The following PDE9A variants were observed in gnomAD, a reference collection of about 807,000 sequenced individuals.
PDE9A encodes the protein phosphodiesterase 9A.
PDE9A carries 60 observed loss-of-function variants against 87.4 expected under a neutral mutation model. The ratio of observed to expected loss-of-function variants is 0.69; its 90% CI spans 0.56 to 0.85. The LOEUF is 0.85. Among genes scored for constraint, PDE9A ranks in the 40% least tolerant of loss-of-function variants. The probability of loss-of-function intolerance (pLI) is 0.00; values close to 1 mark genes in which losing one functional copy is unlikely to be tolerated. For missense variants in PDE9A, 665 were observed against 779.0 expected (o/e 0.85, Z 1.74); for synonymous variants, 272 against 279.4 (o/e 0.97, Z 0.27).
chr21:42,759,441 G>A lies in PDE9A; in HGVS notation c.897+356G>A. The stretch of plus-strand genomic sequence containing the variant: ...AGAGTGAGTATGGGGGTGTGGATGT[G>A]AGTGTGTGTGAGTGTGGGGTGTGGA... On this transcript the variant is annotated intron_variant, in intron 11 of 19. Coordinates refer to ENST00000291539, the MANE Select transcript of PDE9A (RefSeq NM_002606.3). This position sits in a 1 kb window ranked among gnomAD's most constrained non-coding sequence, Gnocchi z 7.2. Among the ~76,000 whole-genome samples the A allele has an allele frequency of 6.6e-6, 1 of 150,948 alleles. No individual in the cohort carries two copies. The highest frequency in any genetic ancestry group is 2.1e-4 in the South Asian group (1 of 4,770).
At chr21:42,671,400 A>G (rs2058555105) in intron 1 of PDE9A, among the ~76,000 whole-genome samples, 1 of 152,244 alleles carries the variant, frequency 6.6e-6, no homozygotes, top group African/African-American at 2.4e-5. Context: ...AAGGACCTGA[A>G]AAATATCTCC....
At chr21:42,755,176 G>C (rs1372756886) in intron 10 of PDE9A, among the ~76,000 whole-genome samples, 1 of 152,210 alleles carries the variant, frequency 6.6e-6, no homozygotes, top group Non-Finnish European at 1.5e-5. Flanking sequence ...AAATGCACAA[G>C]GCTCCTCAGC....
At chr21:42,672,389 C>T (rs1601955675) in intron 1 of PDE9A, among the ~76,000 whole-genome samples, 2 of 152,354 alleles carry the variant, frequency 1.3e-5, no homozygotes, top group East Asian at 3.9e-4. Context: ...AGTCACTGGG[C>T]TTTTAGGGCG....
chr21:42,715,595 C>T lies in PDE9A; in HGVS notation c.263-16175C>T, dbSNP rs576296672. Among the ~76,000 whole-genome samples the T allele has an allele frequency of 2.2e-4, 33 of 151,396 alleles. 2 individuals are homozygous for T. In the South Asian group the frequency reaches 6.4e-3, roughly 29 times the overall value. ...TTGCATCACTGCACTCCAGCCTGGGCGACAGAGAGAGACTCTGTCTCCAGA... is the reference window on the plus strand; with the variant it reads ...TTGCATCACTGCACTCCAGCCTGGGTGACAGAGAGAGACTCTGTCTCCAGA... On this transcript the variant is annotated intron_variant, in intron 4 of 19. Coordinates refer to ENST00000291539, the MANE Select transcript of PDE9A (RefSeq NM_002606.3).
In PDE9A at chr21:42,760,993, T is replaced by TC. The variant is rs1402148060; in HGVS notation, c.1085+89dup. 5.8e-6 allele frequency: 5 copies of TC among 865,712 alleles called. No homozygotes were observed. In the Admixed American group the frequency reaches 9.0e-5, roughly 16 times the overall value. The allele number at this position is 865,712 out of a possible 1,614,324, so 53.6% of individuals were successfully genotyped here. On this transcript the variant is annotated intron_variant, in intron 13 of 19. Coordinates refer to ENST00000291539, the MANE Select transcript of PDE9A (RefSeq NM_002606.3). The surrounding 1 kb of genome is among the most constrained non-coding windows in gnomAD (Gnocchi z 5.2). ...CTGTCAGCCCAACCCTCAGAGCAGT[T>TC]CCCAGATGGAGCTGTCAACGACGGC...
At chr21:42,762,277 A>G (rs777559053) in intron 14 of PDE9A, 38 bp downstream of exon 14, 17 of 1,594,950 alleles carry the variant, frequency 1.1e-5, no homozygotes, top group Non-Finnish European at 1.4e-5. Flanking sequence ...GAGTGGGGGC[A>G]CATTCAGGGA....
intron 19 of PDE9A, among the ~76,000 whole-genome samples, chr21:42,773,545 C>T (rs1309729685): frequency 2.6e-5 from 4 of 151,936 alleles, no homozygotes; most frequent in Admixed American, 1.3e-4. Flanking sequence ...CGGTGGCTCA[C>T]GCCTGTAATC....
At chr21:42,726,337 T>A (rs1264868850) in intron 4 of PDE9A, among the ~76,000 whole-genome samples, 1 of 152,028 alleles carries the variant, frequency 6.6e-6, no homozygotes, top group African/African-American at 2.4e-5. Context: ...CTATCCATTT[T>A]TCTTTTTCTG....
At chr21:42,691,242 C>T (rs2059820364) in intron 3 of PDE9A, among the ~76,000 whole-genome samples, 1 of 151,102 alleles carries the variant, frequency 6.6e-6, no homozygotes, top group Non-Finnish European at 1.5e-5. Flanking sequence ...CCAGATTCAC[C>T]CAGACCCATC....
In PDE9A at chr21:42,696,000, A is replaced by G. The variant is rs1460273263; in HGVS notation, c.219-2968A>G. The stretch of plus-strand genomic sequence containing the variant: ...GAAGGTTTCTGCAGCCTCCTGGAGC[A>G]TTCACAGAGGCTCCCTGTCCGTCCA... On this transcript the variant is annotated intron_variant, in intron 3 of 19. Coordinates refer to ENST00000291539, the MANE Select transcript of PDE9A (RefSeq NM_002606.3). The surrounding 1 kb of genome is among the most constrained non-coding windows in gnomAD (Gnocchi z 4.3). Among the ~76,000 whole-genome samples the G allele has an allele frequency of 6.6e-6, 1 of 152,180 alleles. No individual in the cohort carries two copies.
In PDE9A at chr21:42,695,543, C is replaced by T. The variant is rs1159111095; in HGVS notation, c.219-3425C>T. Among the ~76,000 whole-genome samples the T allele has an allele frequency of 6.6e-6, 1 of 152,196 alleles. No individual in the cohort carries two copies. The highest frequency in any genetic ancestry group is 1.5e-5 in the Non-Finnish European group (1 of 68,036). On this transcript the variant is annotated intron_variant, in intron 3 of 19. Coordinates refer to ENST00000291539, the MANE Select transcript of PDE9A (RefSeq NM_002606.3). The surrounding 1 kb of genome is among the most constrained non-coding windows in gnomAD (Gnocchi z 4.3). ...ACACACACCATTGCTCCTTTTGTTC[C>T]CGGTTTCGGCCAAGTTGTGCCGCAG... is the stretch of plus-strand genomic sequence containing the variant.
chr21:42,758,501 C>T (rs2055316332), intron 10 of PDE9A: 1 of 152,766 alleles, frequency 6.5e-6, no homozygotes. Flanking sequence ...CTCCTTCGAT[C>T]CCCAGCCTCG....
chr21:42,770,878 G>A, intron 18 of PDE9A, 80 bp downstream of exon 18: 1 of 1,099,540 alleles, frequency 9.1e-7, no homozygotes, highest in Non-Finnish European at 1.4e-6. Context: ...CCAGAAGCTT[G>A]GACGTGCCAA....
At chr21:42,730,494 A>C (rs2051615103) in intron 4 of PDE9A, among the ~76,000 whole-genome samples, 1 of 152,176 alleles carries the variant, frequency 6.6e-6, no homozygotes, top group Admixed American at 6.6e-5. Flanking sequence ...GAAAAAGGGG[A>C]AATGCATAAG....
chr21:42,685,882 T>C (rs1343424160), intron 1 of PDE9A, among the ~76,000 whole-genome samples: 2 of 152,094 alleles, frequency 1.3e-5, no homozygotes, highest in African/African-American at 2.4e-5. Context: ...CCCCAGGTGG[T>C]CAGTCCTGCC....
intron 8 of PDE9A, among the ~76,000 whole-genome samples, chr21:42,750,863 G>A (rs1338988887): frequency 6.6e-6 from 1 of 152,080 alleles, no homozygotes. Context: ...GGGATTGCAG[G>A]CATGAGCCAC....
intron 7 of PDE9A, among the ~76,000 whole-genome samples, chr21:42,736,101 G>A (rs1639113327): frequency 6.6e-6 from 1 of 152,032 alleles, no homozygotes; most frequent in African/African-American, 2.4e-5. Context: ...TCCAGCACCT[G>A]GGTTTTTCCT....
At chr21:42,715,884 T>TCAGGGCTGTACATTCCCTG (rs1555919703) in intron 4 of PDE9A, among the ~76,000 whole-genome samples, 3 of 151,622 alleles carry the variant, frequency 2.0e-5, no homozygotes, top group Admixed American at 6.6e-5. Context: ...ATCGGTTCAC[T>TCAGGGCTGTACATTCCCTG]GCCTTCAAAA....
chr21:42,673,503 T>A (rs1321958250), intron 1 of PDE9A, among the ~76,000 whole-genome samples: 1 of 152,238 alleles, frequency 6.6e-6, no homozygotes, highest in Non-Finnish European at 1.5e-5. Context: ...TTTTAGCAAC[T>A]GAACCCTTTT....
Sources: gnomAD v4.1 joint callset for allele counts (sites outside exome capture counted in the v4.1 genomes callset) on GRCh38, gnomAD v4.1.1 for gene constraint, Gnocchi (gnomAD v3.1) non-coding constraint, MANE v1.5 for transcripts, NCBI Gene and HGNC (gene_info 2026-07-23, HGNC 2026-07-21) for gene names.